SFMBT2: variants seen among roughly 807,000 people sequenced by gnomAD.
SFMBT2 encodes Scm like with four mbt domains 2.
Under a neutral mutation model 110.1 loss-of-function variants are expected in SFMBT2, and 38 were observed. That is an observed-to-expected ratio of 0.35 (90% CI 0.27 to 0.45). The LOEUF (loss-of-function observed/expected upper bound fraction) is 0.45. Ranked by LOEUF, SFMBT2 falls within the 20% of genes least tolerant of loss-of-function variation. The pLI is 1.00. For synonymous variants in SFMBT2, 425 were observed against 425.4 expected, an observed-to-expected ratio of 1.00 and a Z score of 0.01; for missense variants, 1,011 against 1,094.9, an observed-to-expected ratio of 0.92 and a Z score of 1.08.
intron 4 of SFMBT2, among the ~76,000 whole-genome samples, chr10:7,318,405 T>C (rs912769265): frequency 7.9e-5 from 12 of 152,236 alleles, no homozygotes; most frequent in African/African-American, 2.9e-4. Flanking sequence ...GCATGATTTT[T>C]TTTTCACCTC....
At chr10:7,374,565 G>C (rs1428596600) in intron 2 of SFMBT2, among the ~76,000 whole-genome samples, 1 of 152,100 alleles carries the variant, frequency 6.6e-6, no homozygotes, top group Non-Finnish European at 1.5e-5. Flanking sequence ...AATATACAGG[G>C]TTCTACAGAC....
chr10:7,380,648 G>A (rs1300877247), intron 2 of SFMBT2, among the ~76,000 whole-genome samples: 1 of 114,704 alleles, frequency 8.7e-6, no homozygotes, highest in East Asian at 3.4e-4. Flanking sequence ...TATAAACAAT[G>A]CAACCCTTTT....
intron 15 of SFMBT2, among the ~76,000 whole-genome samples, chr10:7,191,199 A>G (rs1838591043): frequency 6.6e-6 from 1 of 152,160 alleles, no homozygotes; most frequent in Non-Finnish European, 1.5e-5. Context: ...TTTTACAGTA[A>G]AATCCTTAAG....
rs200031511 is a variant in SFMBT2 at position 7,276,995 on chromosome 10, T to A, written c.773-6A>T. On this transcript the variant is annotated splice_region_variant and splice_polypyrimidine_tract_variant and intron_variant, in intron 6 of 20. Transcript: ENST00000397167. The stretch of plus-strand genomic sequence containing the variant: ...CATCTTCAAAGGATAGATTTCTGTA[T>A]CAACAGCAAATCACAGAAGAGTTGA... 1.0e-5 allele frequency: 9 copies of A among 868,344 alleles called. No individual in the cohort carries two copies. The highest frequency in any genetic ancestry group is 1.8e-5 in the Non-Finnish European group (9 of 497,840). The allele number at this position is 868,344 out of a possible 1,614,324, so 53.8% of individuals were successfully genotyped here. A position where few individuals can be genotyped will look rare whatever the true frequency, so the allele number is the denominator to read the frequency against.
intron 4 of SFMBT2, among the ~76,000 whole-genome samples, chr10:7,360,878 T>C (rs1187482469): frequency 6.6e-6 from 1 of 152,266 alleles, no homozygotes; most frequent in Non-Finnish European, 1.5e-5. Context: ...CTTTGTTTCC[T>C]ACCTGAATGT....
chr10:7,162,367 G>A lies in SFMBT2; in HGVS notation c.*1403C>T, dbSNP rs1831706045. 6.6e-6 allele frequency: 1 copy of A among 152,074 alleles called. No individual in the cohort carries two copies. Among genetic ancestry groups the A allele is most frequent in the Non-Finnish European group, 1.5e-5 (1 of 68,036 alleles). 9.4% of individuals were successfully genotyped at this position (152,074 alleles called of 1,614,324 possible). On this transcript the variant is annotated 3_prime_UTR_variant, in exon 21 of 21. Coordinates refer to ENST00000397167, the MANE Select transcript of SFMBT2 (RefSeq NM_001387889.1). ...GTGTGCTCACCACCGCACCCTCAGG[G>A]TCCACACCTGTCACTTCACAGGAAT...
At chr10:7,372,253 A>C (rs1845083756) in intron 2 of SFMBT2, among the ~76,000 whole-genome samples, 1 of 152,166 alleles carries the variant, frequency 6.6e-6, no homozygotes, top group Non-Finnish European at 1.5e-5. Flanking sequence ...AGGAAAAGTA[A>C]GTCTCTCTTA....
At chr10:7,378,007 G>T (rs1428810428) in intron 2 of SFMBT2, among the ~76,000 whole-genome samples, 3 of 151,280 alleles carry the variant, frequency 2.0e-5, no homozygotes, top group Non-Finnish European at 4.4e-5. Flanking sequence ...GAATGTGGGG[G>T]TGTATGTGAA....
intron 2 of SFMBT2, among the ~76,000 whole-genome samples, chr10:7,371,030 G>A (rs1390307186): frequency 6.6e-6 from 1 of 152,212 alleles, no homozygotes; most frequent in African/African-American, 2.4e-5. Context: ...AACAGTGCAT[G>A]TGTTTCTCCA....
chr10:7,243,562 G>A lies in SFMBT2; in HGVS notation c.1116C>T (p.Pro372=). The A allele has an allele frequency of 1.1e-6, 1 of 872,732 alleles. No homozygotes were observed. Among genetic ancestry groups the A allele is most frequent in the Non-Finnish European group, 2.0e-6 (1 of 501,628 alleles). 54.1% of individuals were successfully genotyped at this position (872,732 alleles called of 1,614,324 possible). A position where few individuals can be genotyped will look rare whatever the true frequency, so the allele number is the denominator to read the frequency against. ...CLKNGVSLTP[P]KGYSGQDFDW... ...ATACCTTCACAGAATACAAACCTTT[G>A]GGAGGAGTGAGGCTGACTCCATTTT... is the stretch of plus-strand genomic sequence containing the variant. Residue 372 remains proline (P), a synonymous_variant, in exon 9 of 21, where the codon CCC becomes CCT. Coordinates refer to ENST00000397167, the MANE Select transcript of SFMBT2 (RefSeq NM_001387889.1).
intron 1 of SFMBT2, among the ~76,000 whole-genome samples, chr10:7,382,834 G>C (rs1845464692): frequency 6.6e-6 from 1 of 152,212 alleles, no homozygotes; most frequent in African/African-American, 2.4e-5. Context: ...TTCCCCGCTT[G>C]TCTTCTAATA....
In SFMBT2 at chr10:7,220,396, C is replaced by G. The variant is rs200811039; in HGVS notation, c.1330+15G>C. Reference sequence around the variant, plus strand: ...ACATTCCCCCCAGCGACTGCTACCCCCAGCGAGTACGTACCTTCCAGGTGA... The same window carrying G: ...ACATTCCCCCCAGCGACTGCTACCCGCAGCGAGTACGTACCTTCCAGGTGA... On this transcript the variant is annotated intron_variant, in intron 11 of 20. Transcript: ENST00000397167. The G allele has an allele frequency of 1.9e-6, 3 of 1,612,068 alleles. No individual in the cohort carries two copies. The highest frequency in any genetic ancestry group is 2.2e-5 in the East Asian group (1 of 44,800).
intron 4 of SFMBT2, among the ~76,000 whole-genome samples, chr10:7,349,880 T>C (rs1202164704): frequency 1.3e-5 from 2 of 152,162 alleles, no homozygotes; most frequent in South Asian, 2.1e-4. Context: ...CAGTATTTGA[T>C]GGACTGAAGA....
rs139190090 is a variant in SFMBT2, at chr10:7,334,212, C to A, written c.436+33437G>T. Among the ~76,000 whole-genome samples the A allele has an allele frequency of 1.8e-3, 272 of 152,244 alleles. 1 individual carries two copies. Among genetic ancestry groups the A allele is most frequent in the African/African-American group, 6.2e-3 (259 of 41,538 alleles). On this transcript the variant is annotated intron_variant, in intron 4 of 20. Coordinates refer to ENST00000397167, the MANE Select transcript of SFMBT2 (RefSeq NM_001387889.1). ...GGCCTGGCCGCTGACAGCCAGGCAC[C>A]GTCACATCCACCTGGCCTGGAGAAC... is the stretch of plus-strand genomic sequence containing the variant.
At chr10:7,198,177 T>G (rs1379915465) in intron 14 of SFMBT2, 2 of 983,918 alleles carry the variant, frequency 2.0e-6, no homozygotes, top group Non-Finnish European at 2.4e-6. Context: ...AAGATATTGT[T>G]TGTTTGCTTA....
At chr10:7,226,454 A>G (rs1158580102) in intron 10 of SFMBT2, among the ~76,000 whole-genome samples, 1 of 152,232 alleles carries the variant, frequency 6.6e-6, no homozygotes, top group Non-Finnish European at 1.5e-5. Flanking sequence ...TCTAGAGTGC[A>G]ATGACAGTGT....
At chr10:7,391,465 C>CAAAA (rs1197734483) in intron 1 of SFMBT2, among the ~76,000 whole-genome samples, 1 of 81,210 alleles carries the variant, frequency 1.2e-5, no homozygotes, top group Non-Finnish European at 2.8e-5. Flanking sequence ...GACTCTGTCT[C>CAAAA]AAAAAAAAAA....
At chr10:7,230,279 C>T (rs1422396392) in intron 9 of SFMBT2, among the ~76,000 whole-genome samples, 2 of 152,178 alleles carry the variant, frequency 1.3e-5, no homozygotes, top group African/African-American at 4.8e-5. Context: ...AGCTAAATGG[C>T]TCCTGCATCA....
At chr10:7,185,633 T>C (rs964002457) in intron 16 of SFMBT2, among the ~76,000 whole-genome samples, 2 of 152,240 alleles carry the variant, frequency 1.3e-5, no homozygotes, top group African/African-American at 4.8e-5. Flanking sequence ...ACCAGGATAT[T>C]TCCTCTTTAA....
Sources: gnomAD v4.1 joint callset for allele counts (sites outside exome capture counted in the v4.1 genomes callset) on GRCh38, gnomAD v4.1.1 for gene constraint, MANE v1.5 for transcripts, NCBI Gene and HGNC (gene_info 2026-07-23, HGNC 2026-07-21) for gene names.